Variants in DEFB121 observed in about 807,000 individuals in gnomAD.
DEFB121 encodes the protein defensin beta 121, also known as beta-defensin 121.
A neutral mutation model predicts 2.5 loss-of-function variants in DEFB121; 5 were observed. The ratio of observed to expected loss-of-function variants is 1.96; its 90% CI spans 1.03 to 4.13. The LOEUF (loss-of-function observed/expected upper bound fraction) is 4.13, where lower values mean the gene tolerates loss of function less well. Among genes scored for constraint, DEFB121 ranks in the 30% most tolerant of loss-of-function variants. DEFB121 has a pLI of 0.00. For synonymous variants in DEFB121, 39 were observed against 32.6 expected (o/e 1.20, Z -0.67); for missense variants, 87 against 85.0 (o/e 1.02, Z -0.09).
At position 31,406,134 on chromosome 20, in the gene DEFB121, G is replaced by T. The variant is rs141107623; in HGVS notation, c.19C>A (p.Leu7Ile). Residue 7 changes from leucine (L) to isoleucine (I), a missense_variant, in exon 1 of 2, where the codon CTT becomes ATT. By Grantham distance (5) the Leu-to-Ile change is conservative. Transcript: ENST00000376314. MKLLLL[L>I]LTVTLLLAQV... is the part of the protein sequence containing the mutation. ...GCCAGGAGCAGAGTAACAGTCAAAA[G>T]CAGAAGAAGGAGCTTCATGAATGAT... The T allele has an allele frequency of 1.3e-5, 21 of 1,614,038 alleles. No homozygotes were observed. Among genetic ancestry groups the T allele is most frequent in the Non-Finnish European group, 1.7e-5 (20 of 1,180,006 alleles).
At chr20:31,408,319 G>A (rs143074357), upstream of DEFB121, among the ~76,000 whole-genome samples, 57 of 152,128 alleles carry the variant, frequency 3.7e-4, 1 homozygote, top group African/African-American at 1.3e-3. Flanking sequence ...GGGCATGGTG[G>A]GGCAAAGCTG....
upstream of DEFB121, among the ~76,000 whole-genome samples, chr20:31,415,688 C>G (rs1266856754): frequency 6.6e-6 from 1 of 152,058 alleles, no homozygotes; most frequent in Non-Finnish European, 1.5e-5. Context: ...TGGGAACAAC[C>G]ACCCAAGGGC....
chr20:31,410,172 T>C (rs887823024), upstream of DEFB121, among the ~76,000 whole-genome samples: 4 of 152,204 alleles, frequency 2.6e-5, no homozygotes, highest in African/African-American at 9.7e-5. Context: ...TGGAATACTA[T>C]GCAGCCATCA....
At chr20:31,416,369 A>C (rs1038596646), upstream of DEFB121, among the ~76,000 whole-genome samples, 8 of 152,050 alleles carry the variant, frequency 5.3e-5, no homozygotes, top group Non-Finnish European at 8.8e-5. Flanking sequence ...CCTTCTTCGC[A>C]CTTTAAACTG....
At chr20:31,405,158 A>G in intron 1 of DEFB121, 73 bp from the exon 2 acceptor site, 2 of 1,458,728 alleles carry the variant, frequency 1.4e-6, no homozygotes, top group Middle Eastern at 3.6e-4. Context: ...GGAAGAGGCT[A>G]AAGCCCAGTA....
In DEFB121 at chr20:31,405,027, T is replaced by C; in HGVS notation, c.117A>G (p.Val39=). ...RCRTTCKESE[V]YYILCKTEAK... ...CCTCAGTTTTGCATAATATATAGTA[T>C]ACTTCACTTTCTTTACATGTTGTTC... is the stretch of plus-strand genomic sequence containing the variant. The change falls in exon 2 of 2, where the codon GTA becomes GTG. Residue 39 remains valine (V), a synonymous_variant. Transcript: ENST00000376314. 2.5e-6 allele frequency: 4 copies of C among 1,612,300 alleles called. No homozygotes were observed. The highest frequency in any genetic ancestry group is 3.4e-6 in the Non-Finnish European group (4 of 1,179,610).
upstream of DEFB121, among the ~76,000 whole-genome samples, chr20:31,407,561 G>A (rs538005481): frequency 1.4e-4 from 22 of 152,246 alleles, no homozygotes; most frequent in South Asian, 6.2e-4. Context: ...GCTACTCCAG[G>A]CGACTCACAG....
At chr20:31,410,850 G>GAGAGAA, upstream of DEFB121, among the ~76,000 whole-genome samples, 1 of 151,962 alleles carries the variant, frequency 6.6e-6, no homozygotes, top group African/African-American at 2.4e-5. Context: ...GAGAGAGAGA[G>GAGAGAA]AGAGAAAGAG....
At chr20:31,411,509 T>C (rs1352639545) in intron 1 of DEFB121, among the ~76,000 whole-genome samples, 1 of 150,920 alleles carries the variant, frequency 6.6e-6, no homozygotes. Context: ...TCTCAATAGA[T>C]GGGGTGAATG....
At chr20:31,414,631 A>G (rs1014000763), upstream of DEFB121, among the ~76,000 whole-genome samples, 12 of 152,258 alleles carry the variant, frequency 7.9e-5, no homozygotes, top group African/African-American at 2.9e-4. Flanking sequence ...TTCCAGTTAT[A>G]CGAAGTGTCT....
chr20:31,411,513 G>A (rs1015483794), intron 1 of DEFB121, among the ~76,000 whole-genome samples: 4 of 151,810 alleles, frequency 2.6e-5, no homozygotes, highest in Non-Finnish European at 4.4e-5. Context: ...AATAGATGGG[G>A]TGAATGCCTT....
upstream of DEFB121, among the ~76,000 whole-genome samples, chr20:31,410,242 A>C (rs894749741): frequency 1.2e-4 from 19 of 152,226 alleles, no homozygotes; most frequent in Non-Finnish European, 1.9e-4. Flanking sequence ...CATTATCCTA[A>C]GCCAACTGAT....
rs770051118 is a variant in DEFB121 at position 31,404,876 on chromosome 20, T to A, written c.*37A>T. ...AGAATGATTTAATAGAACTGCAGGATCCCATGATGTTGAGACTCAAGGTTG... is the reference window on the plus strand; with the variant it reads ...AGAATGATTTAATAGAACTGCAGGAACCCATGATGTTGAGACTCAAGGTTG... On this transcript the variant is annotated 3_prime_UTR_variant, in exon 2 of 2. Coordinates refer to ENST00000376314, the MANE Select transcript of DEFB121 (RefSeq NM_001011878.3). 1 of 1,607,800 alleles carries A rather than the reference T, an allele frequency of 6.2e-7. No homozygotes were observed. The highest frequency in any genetic ancestry group is 8.5e-7 in the Non-Finnish European group (1 of 1,177,574).
chr20:31,409,227 TATC>T (rs1978587871), upstream of DEFB121, among the ~76,000 whole-genome samples: 1 of 152,184 alleles, frequency 6.6e-6, no homozygotes, highest in African/African-American at 2.4e-5. Context: ...AACATAAACT[TATC>T]ATACAACCAA....
In DEFB121 at chr20:31,406,055, G is replaced by C. The variant is rs562021533; in HGVS notation, c.58+40C>G. On this transcript the variant is annotated intron_variant, in intron 1 of 1. Transcript: ENST00000376314. ...CCCAGAGTTCTCTGAACATGCATCA[G>C]GTTTCCTGACTCCCATCCCCTTCTG... 5 of 1,611,266 alleles carry C rather than the reference G, an allele frequency of 3.1e-6. No individual in the cohort carries two copies. The African/African-American group carries it at 6.7e-5, about 21-fold the overall frequency.
upstream of DEFB121, among the ~76,000 whole-genome samples, chr20:31,413,728 C>CA (rs540297823): frequency 2.0e-3 from 298 of 152,276 alleles, 2 homozygotes; most frequent in African/African-American, 7.0e-3. Context: ...GACATGGCTC[C>CA]ATCCAACCAC....
upstream of DEFB121, among the ~76,000 whole-genome samples, chr20:31,409,292 G>T (rs546960417): frequency 1.3e-5 from 2 of 152,074 alleles, no homozygotes; most frequent in African/African-American, 4.8e-5. Context: ...ATATGTCCAC[G>T]TCAAAACTTG....
upstream of DEFB121, among the ~76,000 whole-genome samples, chr20:31,408,908 C>T (rs987949631): frequency 6.6e-6 from 1 of 151,784 alleles, no homozygotes; most frequent in African/African-American, 2.4e-5. Context: ...CAACTGTAAC[C>T]CCAGCTACTC....
chr20:31,417,160 C>T (rs1273481850), upstream of DEFB121, among the ~76,000 whole-genome samples: 1 of 152,026 alleles, frequency 6.6e-6, no homozygotes, highest in East Asian at 1.9e-4. Context: ...AGCCTGGCAA[C>T]ATGGTGAAAC....
Sources: gnomAD v4.1 joint callset for allele counts (sites outside exome capture counted in the v4.1 genomes callset) on GRCh38, gnomAD v4.1.1 for gene constraint, MANE v1.5 for transcripts, NCBI Gene and HGNC (gene_info 2026-07-23, HGNC 2026-07-21) for gene names.